LRP1B: variants seen among roughly 807,000 people sequenced by gnomAD.
LRP1B encodes the protein low-density lipoprotein receptor-related protein 1B.
A neutral mutation model predicts 556.6 loss-of-function variants in LRP1B; 217 were observed. That is an observed-to-expected ratio of 0.39 (90% CI 0.35 to 0.44). LRP1B has a LOEUF of 0.44. Among genes scored for constraint, LRP1B ranks in the 20% least tolerant of loss-of-function variants. The probability of loss-of-function intolerance (pLI) is 1.00; values close to 1 mark genes in which losing one functional copy is unlikely to be tolerated. For synonymous variants in LRP1B, 2,047 were observed against 1,865.8 expected (o/e 1.10, Z -2.50); for missense variants, 5,053 against 5,620.8 (o/e 0.90, Z 3.23).
chr2:140,717,063 A>G (rs1687238524), intron 35 of LRP1B, among the ~76,000 whole-genome samples: 1 of 152,052 alleles, frequency 6.6e-6, no homozygotes, highest in Admixed American at 6.6e-5. Context: ...GAAATAATCT[A>G]TTGCATTGTT....
Position 140,444,552 on chromosome 2 carries a change from T to C in LRP1B, c.10174+11A>G. On this transcript the variant is annotated intron_variant, in intron 64 of 90. Transcript: ENST00000389484. ...GACTTATGTTCATTAGTTAGGAATT[T>C]AATCACCTACCACAGTTGAGTTCAT... The C allele has an allele frequency of 6.2e-7, 1 of 1,612,438 alleles. No homozygotes were observed. The highest frequency in any genetic ancestry group is 1.1e-5 in the South Asian group (1 of 91,032).
intron 83 of LRP1B, among the ~76,000 whole-genome samples, chr2:140,311,447 TCTTA>T (rs1044853828): frequency 1.2e-3 from 176 of 151,960 alleles, no homozygotes; most frequent in African/African-American, 4.2e-3. Context: ...TACCACCTGT[TCTTA>T]CTTATAAATA....
At chr2:142,000,068 AGAT>A (rs1361197868) in intron 1 of LRP1B, among the ~76,000 whole-genome samples, 1 of 151,180 alleles carries the variant, frequency 6.6e-6, no homozygotes, top group East Asian at 1.9e-4. Context: ...TCAAAGTATA[AGAT>A]GATAACAATA....
At chr2:140,790,292 C>T (rs935679034) in intron 32 of LRP1B, among the ~76,000 whole-genome samples, 7 of 152,002 alleles carry the variant, frequency 4.6e-5, no homozygotes, top group Non-Finnish European at 8.8e-5. Context: ...ATACTGAATA[C>T]GCCCCATATT....
At chr2:140,695,488 G>A (rs575759764) in intron 41 of LRP1B, among the ~76,000 whole-genome samples, 27 of 152,194 alleles carry the variant, frequency 1.8e-4, no homozygotes, top group African/African-American at 6.0e-4. Flanking sequence ...CTTTTTAGAT[G>A]CTGTCTCTCT....
intron 2 of LRP1B, among the ~76,000 whole-genome samples, chr2:141,802,786 G>A (rs1489332365): frequency 6.6e-6 from 1 of 152,062 alleles, no homozygotes; most frequent in East Asian, 1.9e-4. Flanking sequence ...GGGAAGAAAT[G>A]TGCTCACACA....
intron 41 of LRP1B, among the ~76,000 whole-genome samples, chr2:140,696,772 TC>T (rs1488138042): frequency 1.3e-5 from 2 of 152,154 alleles, no homozygotes; most frequent in African/African-American, 4.8e-5. Flanking sequence ...TACCTGATGA[TC>T]TGAGGTGGAA....
chr2:141,767,650 A>C (rs1173830585), intron 2 of LRP1B, among the ~76,000 whole-genome samples: 1 of 152,154 alleles, frequency 6.6e-6, no homozygotes, highest in African/African-American at 2.4e-5. Context: ...TGAGATTCTG[A>C]GAATGGTCTG....
intron 1 of LRP1B, among the ~76,000 whole-genome samples, chr2:141,905,001 T>C (rs1699714535): frequency 1.3e-5 from 2 of 151,880 alleles, no homozygotes; most frequent in Admixed American, 1.3e-4. Context: ...CAATGGGCAG[T>C]GACCAAGAAC....
At chr2:141,937,591 G>C (rs1038812677) in intron 1 of LRP1B, among the ~76,000 whole-genome samples, 8 of 151,396 alleles carry the variant, frequency 5.3e-5, no homozygotes, top group Non-Finnish European at 1.0e-4. Flanking sequence ...ATGTGTGTGA[G>C]TGTTTAACTT....
chr2:142,080,303 A>G (rs1372094727), intron 1 of LRP1B, among the ~76,000 whole-genome samples: 3 of 152,204 alleles, frequency 2.0e-5, no homozygotes, highest in Non-Finnish European at 2.9e-5. Flanking sequence ...TGAGTGTGTT[A>G]AAGTGTGTTT....
intron 2 of LRP1B, among the ~76,000 whole-genome samples, chr2:141,574,162 A>C (rs562557077): frequency 2.0e-5 from 3 of 152,232 alleles, no homozygotes; most frequent in Non-Finnish European, 4.4e-5. Context: ...CTTCAGGCCA[A>C]TATCTCTGAA....
At chr2:140,684,155 TGA>T (rs1685965505) in intron 41 of LRP1B, among the ~76,000 whole-genome samples, 1 of 152,216 alleles carries the variant, frequency 6.6e-6, no homozygotes, top group Admixed American at 6.5e-5. Context: ...TCATGCTACA[TGA>T]GAGGTATTTA....
intron 2 of LRP1B, among the ~76,000 whole-genome samples, chr2:141,551,246 T>C (rs1011759284): frequency 7.9e-5 from 12 of 152,024 alleles, no homozygotes; most frequent in Non-Finnish European, 1.3e-4. Flanking sequence ...AAAATAAATG[T>C]ATATATAACA....
At chr2:140,400,612 C>T (rs1684453208) in intron 66 of LRP1B, among the ~76,000 whole-genome samples, 1 of 152,150 alleles carries the variant, frequency 6.6e-6, no homozygotes, top group Admixed American at 6.5e-5. Context: ...AGGTGGCAGA[C>T]TGGAAGCAGT....
At chr2:140,784,278 G>T (rs974031836) in intron 32 of LRP1B, among the ~76,000 whole-genome samples, 33 of 151,632 alleles carry the variant, frequency 2.2e-4, no homozygotes, top group Non-Finnish European at 3.4e-4. Flanking sequence ...TGACATCCAG[G>T]TTTCTATGCC....
At chr2:141,493,616 G>A (rs147437213) in intron 2 of LRP1B, among the ~76,000 whole-genome samples, 2 of 152,280 alleles carry the variant, frequency 1.3e-5, no homozygotes, top group African/African-American at 2.4e-5. Flanking sequence ...AGGCTGACAG[G>A]CAAATAGGTG....
intron 2 of LRP1B, among the ~76,000 whole-genome samples, chr2:141,803,388 C>A (rs1368909591): frequency 6.6e-6 from 1 of 151,838 alleles, no homozygotes; most frequent in Non-Finnish European, 1.5e-5. Context: ...CCTATCCCCC[C>A]TGCATATCAA....
chr2:141,618,088 T>C (rs906317363), intron 2 of LRP1B, among the ~76,000 whole-genome samples: 2 of 152,196 alleles, frequency 1.3e-5, no homozygotes, highest in East Asian at 1.9e-4. Flanking sequence ...TCAATATTCA[T>C]GCTCTTATGG....
Sources: gnomAD v4.1 joint callset for allele counts (sites outside exome capture counted in the v4.1 genomes callset) on GRCh38, gnomAD v4.1.1 for gene constraint, MANE v1.5 for transcripts, NCBI Gene and HGNC (gene_info 2026-07-23, HGNC 2026-07-21) for gene names.